Variants in CCT4 observed in about 807,000 individuals in gnomAD.
CCT4 encodes the protein T-complex protein 1 subunit delta.
CCT4 carries 17 observed loss-of-function variants against 62.5 expected under a neutral mutation model. The ratio of observed to expected loss-of-function variants is 0.27; its 90% confidence interval spans 0.19 to 0.41. The LOEUF (loss-of-function observed/expected upper bound fraction) is 0.41. Ranked by LOEUF, CCT4 falls within the 10% of genes least tolerant of loss-of-function variation. CCT4 has a pLI of 1.00. For synonymous variants in CCT4, 250 were observed against 229.9 expected (o/e 1.09, Z -0.79); for missense variants, 592 against 659.2 (o/e 0.90, Z 1.12).
At position 61,876,838 on chromosome 2, in the gene CCT4, T is replaced by C. The variant is rs538496625; in HGVS notation, c.777+82A>G. 3 of 1,172,242 alleles carry C rather than the reference T, an allele frequency of 2.6e-6. No individual in the cohort carries two copies. In the African/African-American group the frequency reaches 4.7e-5, roughly 18 times the overall value. The allele number at this position is 1,172,242 out of a possible 1,614,324, so 72.6% of individuals were successfully genotyped here. On this transcript the variant is annotated intron_variant, in intron 7 of 13. Coordinates refer to ENST00000394440, the MANE Select transcript of CCT4 (RefSeq NM_006430.4). Reference sequence around the variant, plus strand: ...GAGATCTGCTTTAAATCACTAGTAGTATTTTCTATTTTTAATAAAGAAATG... The same window carrying C: ...GAGATCTGCTTTAAATCACTAGTAGCATTTTCTATTTTTAATAAAGAAATG...
intron 12 of CCT4, 137 bp from the exon 13 acceptor site, chr2:61,869,690 A>G: frequency 1.6e-6 from 1 of 614,396 alleles, no homozygotes; most frequent in East Asian, 2.8e-5. Flanking sequence ...ATACTCTACT[A>G]AGCTTTTCTC....
Position 61,872,329 on chromosome 2 carries a change from A to G in CCT4, c.1257-13T>C, listed in dbSNP as rs1668901280. Reference sequence around the variant, plus strand: ...TGCAATAAGAGCCCTGAAATTCACAAATATATTTTTAGCTTATTTTATCCA... The same window carrying G: ...TGCAATAAGAGCCCTGAAATTCACAGATATATTTTTAGCTTATTTTATCCA... On this transcript the variant is annotated splice_polypyrimidine_tract_variant and intron_variant, in intron 11 of 13. Transcript: ENST00000394440. 6.4e-7 allele frequency: 1 copy of G among 1,559,042 alleles called. No homozygotes were observed. Among genetic ancestry groups the G allele is most frequent in the African/African-American group, 1.4e-5 (1 of 73,606 alleles).
intron 10 of CCT4, 127 bp from the exon 11 acceptor site, chr2:61,872,715 G>A (rs941462006): frequency 4.5e-5 from 38 of 850,522 alleles, no homozygotes; most frequent in Non-Finnish European, 6.2e-5. Context: ...CTAACGAGGT[G>A]AGGAGATCGA....
chr2:61,881,385 G>A (rs375403515), intron 3 of CCT4, among the ~76,000 whole-genome samples: 26 of 152,086 alleles, frequency 1.7e-4, no homozygotes, highest in African/African-American at 5.3e-4. Context: ...GCCTCCCAAA[G>A]TGCTGGGATT....
chr2:61,883,671 C>T (rs775217863), intron 2 of CCT4, 123 bp from the exon 3 acceptor site: 14 of 613,622 alleles, frequency 2.3e-5, no homozygotes, highest in Non-Finnish European at 3.1e-5. Context: ...AATTCTCTTC[C>T]CTTACATTAG....
chr2:61,873,571 TTTA>T (rs1668931392), intron 8 of CCT4, among the ~76,000 whole-genome samples: 1 of 152,006 alleles, frequency 6.6e-6, no homozygotes, highest in Non-Finnish European at 1.5e-5. Flanking sequence ...TTTATTTATT[TTTA>T]TTTTTTTGAG....
At chr2:61,868,736 C>T in intron 13 of CCT4, 30 bp from the exon 14 acceptor site, 2 of 1,512,358 alleles carry the variant, frequency 1.3e-6, no homozygotes, top group Non-Finnish European at 1.8e-6. Context: ...GATTTCAAAA[C>T]CTGTAATGAC....
intron 13 of CCT4, chr2:61,868,916 C>T (rs1018392291): frequency 4.0e-6 from 2 of 501,088 alleles, no homozygotes; most frequent in African/African-American, 1.9e-5. Flanking sequence ...GCAGGTGGAT[C>T]ACAAGGTAAG....
At position 61,888,600 on chromosome 2, in the gene CCT4, C is replaced by T. The variant is rs1471765341; in HGVS notation, c.-93G>A. ...TGTAATAACGGTAAGCCCTCACTGC[C>T]TTCACGAACCTTCCAGAAAGCGGCG... On this transcript the variant is annotated 5_prime_UTR_variant, in exon 1 of 14. Coordinates refer to ENST00000394440, the MANE Select transcript of CCT4 (RefSeq NM_006430.4). 15 of 1,396,024 alleles carry T rather than the reference C, an allele frequency of 1.1e-5. No homozygotes were observed. Among genetic ancestry groups the T allele is most frequent in the Middle Eastern group, 5.0e-4 (2 of 4,028 alleles). 86.5% of individuals were successfully genotyped at this position (1,396,024 alleles called of 1,614,324 possible). A position where few individuals can be genotyped will look rare whatever the true frequency, so the allele number is the denominator to read the frequency against.
chr2:61,873,117 A>G lies in CCT4; in HGVS notation c.1015-5T>C. 5.7e-6 allele frequency: 9 copies of G among 1,574,120 alleles called. No homozygotes were observed. Among genetic ancestry groups the G allele is most frequent in the African/African-American group, 1.3e-5 (1 of 74,246 alleles). ...AACTGGCTTGGTTCCAATTGTCTGG[A>G]AAAAACAGTCAAATCCACAAATTAA... On this transcript the variant is annotated splice_region_variant and splice_polypyrimidine_tract_variant and intron_variant, in intron 9 of 13. Coordinates refer to ENST00000394440, the MANE Select transcript of CCT4 (RefSeq NM_006430.4).
Position 61,872,175 on chromosome 2 carries a change from A to G in CCT4, c.1398T>C (p.Ala466=). The part of the protein sequence containing the change: ...DAMEVIPSTL[A]ENAGLNPIST... Reference sequence around the variant, plus strand: ...AAATGGGATTCAGGCCGGCATTTTCAGCTAGTGTAGATGGAATGACCTCCA... The same window carrying G: ...AAATGGGATTCAGGCCGGCATTTTCGGCTAGTGTAGATGGAATGACCTCCA... Residue 466 remains alanine, a synonymous_variant, in exon 12 of 14, where the codon GCT becomes GCC. Coordinates refer to ENST00000394440, the MANE Select transcript of CCT4 (RefSeq NM_006430.4). 6.2e-7 allele frequency: 1 copy of G among 1,614,088 alleles called. No individual in the cohort carries two copies. Among genetic ancestry groups the G allele is most frequent in the Non-Finnish European group, 8.5e-7 (1 of 1,179,988 alleles).
At chr2:61,871,031 G>GC (rs1668873151) in intron 12 of CCT4, among the ~76,000 whole-genome samples, 3 of 138,806 alleles carry the variant, frequency 2.2e-5, no homozygotes, top group East Asian at 2.1e-4. Flanking sequence ...TCTATTAATA[G>GC]TTTTTTTTTT....
chr2:61,882,521 CTTTTTT>C (rs199571264), intron 3 of CCT4, among the ~76,000 whole-genome samples: 4 of 145,410 alleles, frequency 2.8e-5, no homozygotes, highest in Non-Finnish European at 6.1e-5. Flanking sequence ...GTGTTTCTTT[CTTTTTT>C]TTTTTTGAGA....
chr2:61,885,153 G>T, intron 1 of CCT4, 81 bp from the exon 2 acceptor site: 9 of 1,124,378 alleles, frequency 8.0e-6, no homozygotes, highest in Non-Finnish European at 1.1e-5. Context: ...TATTGTCCAG[G>T]ATGGCCTCAA....
At chr2:61,879,112 T>A in intron 4 of CCT4, 101 bp from the exon 5 acceptor site, 1 of 774,166 alleles carries the variant, frequency 1.3e-6, no homozygotes, top group Non-Finnish European at 2.1e-6. Context: ...AGCACAAATT[T>A]AACTATTCTT....
At chr2:61,875,633 A>G (rs1400463597) in intron 8 of CCT4, among the ~76,000 whole-genome samples, 1 of 151,858 alleles carries the variant, frequency 6.6e-6, no homozygotes, top group Non-Finnish European at 1.5e-5. Context: ...AGTGTGGTTT[A>G]GACTCTAAAA....
chr2:61,877,096 G>A (rs1669017547), intron 6 of CCT4, 44 bp from the exon 7 acceptor site: 2 of 1,558,820 alleles, frequency 1.3e-6, no homozygotes, highest in Non-Finnish European at 8.8e-7. Flanking sequence ...AGAGGGAGTG[G>A]ACATCTGTAC....
rs368666833 is a variant in CCT4 at position 61,882,002 on chromosome 2, C to T, written c.270+1457G>A. On this transcript the variant is annotated intron_variant, in intron 3 of 13. Transcript: ENST00000394440. ...AAGCTGGAGTGAAGTGGGGCAATCT[C>T]GGCTCACTGCAACCTCTGCCTCCCC... Among the ~76,000 whole-genome samples the T allele has an allele frequency of 2.6e-5, 4 of 151,248 alleles. 1 individual carries two copies. In the East Asian group the frequency reaches 7.8e-4, roughly 30 times the overall value.
At chr2:61,872,786 G>A (rs1490207726) in intron 10 of CCT4, among the ~76,000 whole-genome samples, 198 bp from the exon 11 acceptor site, 2 of 152,156 alleles carry the variant, frequency 1.3e-5, no homozygotes, top group Admixed American at 1.3e-4. Context: ...AATTAGCAGG[G>A]CGTGGTGGCA....
Sources: allele counts gnomAD v4.1 joint callset (sites outside exome capture counted in the v4.1 genomes callset), GRCh38; gene constraint gnomAD v4.1.1; transcripts MANE v1.5; gene names NCBI Gene and HGNC (gene_info 2026-07-23, HGNC 2026-07-21).